Variants in IBTK observed in about 807,000 individuals in gnomAD.
The protein encoded by IBTK is inhibitor of Bruton tyrosine kinase.
A neutral mutation model predicts 154.9 loss-of-function variants in IBTK; 83 were observed. The ratio of observed to expected loss-of-function variants is 0.54; its 90% CI spans 0.45 to 0.64. IBTK has a LOEUF of 0.64. IBTK is among the 30% of genes least tolerant of loss of function. The pLI is 0.00. For missense variants in IBTK, 1,332 were observed against 1,584.6 expected, an observed-to-expected ratio of 0.84 and a Z score of 2.71; for synonymous variants, 515 against 536.1, an observed-to-expected ratio of 0.96 and a Z score of 0.54.
intron 4 of IBTK, among the ~76,000 whole-genome samples, chr6:82,230,186 T>C (rs2127823748): frequency 6.6e-6 from 1 of 152,296 alleles, no homozygotes; most frequent in Non-Finnish European, 1.5e-5. Context: ...GTATGTCATA[T>C]ATAAATAATA....
intron 1 of IBTK, among the ~76,000 whole-genome samples, chr6:82,242,438 A>G (rs1770986969): frequency 6.6e-6 from 1 of 152,024 alleles, no homozygotes; most frequent in East Asian, 1.9e-4. Flanking sequence ...CCCTAAAACT[A>G]TATCACCACC....
intron 18 of IBTK, 67 bp from the exon 19 acceptor site, chr6:82,201,549 A>G (rs948575290): frequency 1.5e-4 from 157 of 1,035,562 alleles, no homozygotes; most frequent in Non-Finnish European, 2.1e-4. Context: ...AGTTGCTTAC[A>G]TACGTAGATA....
rs1767952765 is a variant in IBTK at position 82,172,384 on chromosome 6, A to T, written c.3926T>A (p.Ile1309Asn). 1 of 1,613,222 alleles carries T rather than the reference A, an allele frequency of 6.2e-7. No individual in the cohort carries two copies. The highest frequency in any genetic ancestry group is 8.5e-7 in the Non-Finnish European group (1 of 1,179,712). The change falls in exon 28 of 29, where the codon ATT (isoleucine) becomes AAT (asparagine). Residue 1309 changes from isoleucine to asparagine, a missense_variant. Physicochemically the swap from Ile to Asn is moderately radical, Grantham distance 149. Coordinates refer to ENST00000306270, the MANE Select transcript of IBTK (RefSeq NM_015525.4). ...CCTACTAAGTATGTTATTTACCTGAATCAGAGCCAACGGTTTTTCTCGACT... is the reference window on the plus strand; with the variant it reads ...CCTACTAAGTATGTTATTTACCTGATTCAGAGCCAACGGTTTTTCTCGACT... ...IRSREKPLAL[I>N]QIEEHAIQDL...
At chr6:82,220,226 A>C (rs1770047919) in intron 9 of IBTK, among the ~76,000 whole-genome samples, 1 of 152,170 alleles carries the variant, frequency 6.6e-6, no homozygotes, top group Non-Finnish European at 1.5e-5. Context: ...TAAATAAATA[A>C]AATTATAGTT....
chr6:82,171,768 C>T (rs1767935081), intron 28 of IBTK, among the ~76,000 whole-genome samples: 1 of 151,994 alleles, frequency 6.6e-6, no homozygotes, highest in Non-Finnish European at 1.5e-5. Context: ...CATGAGATAC[C>T]CATGCGCTCT....
intron 10 of IBTK, among the ~76,000 whole-genome samples, chr6:82,217,508 T>G (rs756459015): frequency 3.3e-5 from 5 of 152,136 alleles, no homozygotes; most frequent in Non-Finnish European, 5.9e-5. Context: ...TTCCCCTATA[T>G]CTGGCACATA....
intron 2 of IBTK, among the ~76,000 whole-genome samples, chr6:82,237,580 T>C (rs1034429893): frequency 6.0e-5 from 9 of 149,724 alleles, no homozygotes; most frequent in African/African-American, 2.0e-4. Context: ...GCAGCAGTAG[T>C]AGTAGTAGTA....
chr6:82,176,256 G>A (rs1202022937), intron 26 of IBTK, among the ~76,000 whole-genome samples: 1 of 151,884 alleles, frequency 6.6e-6, no homozygotes, highest in Non-Finnish European at 1.5e-5. Context: ...GGGCACAGTG[G>A]CTCACACCTG....
At chr6:82,222,913 AAC>A (rs1418707604) in intron 8 of IBTK, among the ~76,000 whole-genome samples, 14 of 151,164 alleles carry the variant, frequency 9.3e-5, no homozygotes, top group Admixed American at 2.0e-4. Context: ...AAAAAAAAAA[AAC>A]AAAAACTTTA....
intron 25 of IBTK, among the ~76,000 whole-genome samples, chr6:82,183,882 CT>C (rs1280991427): frequency 6.6e-6 from 1 of 152,176 alleles, no homozygotes; most frequent in Non-Finnish European, 1.5e-5. Context: ...ATGGTTAACC[CT>C]TTTTGCTGTC....
intron 25 of IBTK, among the ~76,000 whole-genome samples, chr6:82,190,649 C>A (rs1005799668): frequency 6.6e-6 from 1 of 151,946 alleles, no homozygotes; most frequent in African/African-American, 2.4e-5. Context: ...ATTTATGGAG[C>A]ATGCAGAAGG....
rs572246104 is a variant in IBTK at position 82,178,817 on chromosome 6, T to C, written c.3725+3062A>G. On this transcript the variant is annotated intron_variant, in intron 26 of 28. Transcript: ENST00000306270. ...ATAGATATTGAAAGAAGAGTCAGAGTCGTCAGTCTGTCAAAGAGTAAGGAG... is the reference window on the plus strand; with the variant it reads ...ATAGATATTGAAAGAAGAGTCAGAGCCGTCAGTCTGTCAAAGAGTAAGGAG... Among the ~76,000 whole-genome samples the C allele has an allele frequency of 2.0e-5, 3 of 151,930 alleles. No homozygotes were observed. In the South Asian group the frequency reaches 6.3e-4, roughly 32 times the overall value.
Position 82,204,959 on chromosome 6 carries a change from C to A in IBTK, c.2510-1G>T. ...CAAATAAAATCTACATTTTGAGATT[C>A]TAAAAAAAGAAAGAAAACAAGCATC... is the stretch of plus-strand genomic sequence containing the variant. On this transcript the variant is annotated splice_acceptor_variant, in intron 16 of 28. Transcript: ENST00000306270. LOFTEE classifies it high-confidence loss of function. The A allele has an allele frequency of 6.4e-7, 1 of 1,561,878 alleles. No individual in the cohort carries two copies. Among genetic ancestry groups the A allele is most frequent in the Non-Finnish European group, 8.7e-7 (1 of 1,147,800 alleles).
In IBTK at chr6:82,191,236, G is replaced by A. The variant is rs969389523; in HGVS notation, c.3432-20C>T. ...GTTTTGCTAGAAATTAAACCAATTA[G>A]TTTCAGTGGTTTCTTCTGACAAAGT... On this transcript the variant is annotated intron_variant, in intron 24 of 28. Coordinates refer to ENST00000306270, the MANE Select transcript of IBTK (RefSeq NM_015525.4). 1 of 1,580,630 alleles carries A rather than the reference G, an allele frequency of 6.3e-7. No homozygotes were observed. The highest frequency in any genetic ancestry group is 8.6e-7 in the Non-Finnish European group (1 of 1,166,282).
intron 4 of IBTK, 48 bp from the exon 5 acceptor site, chr6:82,227,350 C>A: frequency 9.2e-7 from 1 of 1,088,312 alleles, no homozygotes; most frequent in Non-Finnish European, 1.3e-6. Flanking sequence ...AATAAAATAT[C>A]CTTTATTTTA....
chr6:82,174,013 A>G (rs1411674737), intron 26 of IBTK, among the ~76,000 whole-genome samples: 3 of 152,194 alleles, frequency 2.0e-5, no homozygotes, highest in Non-Finnish European at 4.4e-5. Context: ...TGAAAGCAGT[A>G]AGAAGCATTC....
intron 13 of IBTK, among the ~76,000 whole-genome samples, chr6:82,212,419 A>G (rs1292827398): frequency 1.3e-5 from 2 of 152,158 alleles, no homozygotes; most frequent in Non-Finnish European, 2.9e-5. Context: ...AACATTTCCT[A>G]ATTATAACAA....
chr6:82,240,435 C>G lies in IBTK; in HGVS notation c.52G>C (p.Ala18Pro). The G allele has an allele frequency of 6.2e-7, 1 of 1,614,112 alleles. No individual in the cohort carries two copies. The highest frequency in any genetic ancestry group is 1.3e-5 in the African/African-American group (1 of 75,070). Residue 18 changes from alanine to proline, a missense_variant, in exon 2 of 29, where the codon GCT (alanine) becomes CCT (proline). Physicochemically the swap from Ala to Pro is conservative, Grantham distance 27. This residue lies in a region of IBTK where 84 missense variants were observed against 96.2 expected (regional missense o/e 0.87). Coordinates refer to ENST00000306270, the MANE Select transcript of IBTK (RefSeq NM_015525.4). ...CTSKCRSLKH[A>P]LDVLSVVTKG... ...GTTACCACAGAAAGGACATCCAAAG[C>G]ATGCTTCAGGGATCGACACTTTGAT...
chr6:82,202,467 C>T, intron 18 of IBTK, 61 bp downstream of exon 18: 1 of 866,200 alleles, frequency 1.2e-6, no homozygotes, highest in Non-Finnish European at 1.9e-6. Flanking sequence ...CTAATAATAT[C>T]TGCTATTATA....
Sources: gnomAD v4.1 joint callset for allele counts (sites outside exome capture counted in the v4.1 genomes callset) on GRCh38, gnomAD v4.1.1 for gene constraint, gnomAD v4.1.1 regional missense constraint, MANE v1.5 for transcripts, NCBI Gene and HGNC (gene_info 2026-07-23, HGNC 2026-07-21) for gene names.